Variants in SLC9A9 observed in about 807,000 individuals in gnomAD.
SLC9A9 encodes the protein solute carrier family 9 member A9, also known as sodium/hydrogen exchanger 9.
Under a neutral mutation model 77.8 loss-of-function variants are expected in SLC9A9, and 62 were observed. The ratio of observed to expected loss-of-function variants is 0.80; its 90% CI spans 0.65 to 0.98. SLC9A9 has a LOEUF of 0.98. SLC9A9 is among the 50% of genes least tolerant of loss of function. SLC9A9 has a pLI of 0.00. For missense variants in SLC9A9, 775 were observed against 774.9 expected, an observed-to-expected ratio of 1.00 and a Z score of 0.00; for synonymous variants, 320 against 283.5, an observed-to-expected ratio of 1.13 and a Z score of -1.29.
chr3:143,694,446 A>G (rs1347134263), intron 4 of SLC9A9, among the ~76,000 whole-genome samples: 1 of 152,158 alleles, frequency 6.6e-6, no homozygotes, highest in Non-Finnish European at 1.5e-5. Context: ...GGTAATACAT[A>G]TTTGGTGTCT....
At chr3:143,267,082 G>A (rs75407673) in intron 15 of SLC9A9, among the ~76,000 whole-genome samples, 153 bp from the exon 16 acceptor site, 2,348 of 152,022 alleles carry the variant, frequency 0.015, 24 homozygotes, top group Middle Eastern at 0.024. Context: ...TGCAGGCATG[G>A]TACAGCCTTT....
In SLC9A9 at chr3:143,791,088, T is replaced by A. The variant is rs142293619; in HGVS notation, c.533+3913A>T. Among the ~76,000 whole-genome samples the A allele has an allele frequency of 7.2e-5, 11 of 152,288 alleles. No individual in the cohort carries two copies. The East Asian group carries it at 2.1e-3, about 29-fold the overall frequency. On this transcript the variant is annotated intron_variant, in intron 4 of 15. Transcript: ENST00000316549. ...AGTTCCCCAAGATGGAGGACATGAA[T>A]ACAGAAATATTTCAAACACATGGAC...
rs78351754 is a variant in SLC9A9 at position 143,502,140 on chromosome 3, G to T, written c.1090-6692C>A. Among the ~76,000 whole-genome samples the T allele has an allele frequency of 8.6e-5, 13 of 151,004 alleles. No homozygotes were observed. The East Asian group carries it at 2.3e-3, about 27-fold the overall frequency. ...ACTCAGGGTCAGTAAAAAATAACTT[G>T]ACTCAACTTTTTATTTATCCGGTAC... On this transcript the variant is annotated intron_variant, in intron 9 of 15. Coordinates refer to ENST00000316549, the MANE Select transcript of SLC9A9 (RefSeq NM_173653.4).
At chr3:143,818,265 T>G (rs11710427) in intron 2 of SLC9A9, among the ~76,000 whole-genome samples, 40,022 of 151,878 alleles carry the variant, frequency 0.26, 5,268 homozygotes, top group South Asian at 0.36. Flanking sequence ...AGCTGAAAAA[T>G]GGAAGATAAG....
In SLC9A9 at chr3:143,805,968, C is replaced by T. The variant is rs1056579730; in HGVS notation, c.379-9065G>A. Among the ~76,000 whole-genome samples the T allele has an allele frequency of 2.6e-5, 4 of 152,142 alleles. No homozygotes were observed. In the East Asian group the frequency reaches 5.8e-4, roughly 22 times the overall value. On this transcript the variant is annotated intron_variant, in intron 2 of 15. Transcript: ENST00000316549. ...TTCTTGAATCCAATATCTATCTGCT[C>T]TTTGCTGGGTAATCTGAAAATAAAA... is the stretch of plus-strand genomic sequence containing the variant.
intron 4 of SLC9A9, among the ~76,000 whole-genome samples, chr3:143,698,891 C>A (rs1190771842): frequency 6.6e-6 from 1 of 152,198 alleles, no homozygotes; most frequent in Non-Finnish European, 1.5e-5. Flanking sequence ...CTGTGTACAG[C>A]TTGCTCTGCA....
chr3:143,414,880 G>A (rs556461733), intron 12 of SLC9A9, among the ~76,000 whole-genome samples: 1 of 152,352 alleles, frequency 6.6e-6, no homozygotes, highest in South Asian at 2.1e-4. Flanking sequence ...TAGGCTGAGA[G>A]CTAGGCCTCT....
At chr3:143,298,106 A>C (rs1191637178) in intron 14 of SLC9A9, among the ~76,000 whole-genome samples, 1 of 152,160 alleles carries the variant, frequency 6.6e-6, no homozygotes, top group East Asian at 1.9e-4. Flanking sequence ...CTAAGACAAG[A>C]TTTTTACTTT....
intron 4 of SLC9A9, among the ~76,000 whole-genome samples, chr3:143,700,004 T>C (rs546520121): frequency 6.6e-6 from 1 of 151,922 alleles, no homozygotes; most frequent in East Asian, 2.0e-4. Flanking sequence ...ACAGCCACAG[T>C]AGGATAGGGC....
chr3:143,688,256 T>A lies in SLC9A9; in HGVS notation c.649+4936A>T, dbSNP rs180869680. 9.3e-5 allele frequency among the ~76,000 whole-genome samples: 14 copies of A among 151,340 alleles called. 1 individual carries two copies. The East Asian group carries it at 2.5e-3, about 27-fold the overall frequency. Reference sequence around the variant, plus strand: ...ATGAGCCATTGTGCCCAGTCTGGATTTTTTTTTTCCATTTTAATTGGTTTT... The same window carrying A: ...ATGAGCCATTGTGCCCAGTCTGGATATTTTTTTTCCATTTTAATTGGTTTT... On this transcript the variant is annotated intron_variant, in intron 5 of 15. Coordinates refer to ENST00000316549, the MANE Select transcript of SLC9A9 (RefSeq NM_173653.4).
chr3:143,393,882 C>T (rs1302175332), intron 12 of SLC9A9, among the ~76,000 whole-genome samples: 1 of 151,914 alleles, frequency 6.6e-6, no homozygotes, highest in Admixed American at 6.5e-5. Context: ...ACACATACAC[C>T]CTCCCAAGAC....
At chr3:143,778,827 T>TAG (rs1370254875) in intron 4 of SLC9A9, among the ~76,000 whole-genome samples, 1 of 152,172 alleles carries the variant, frequency 6.6e-6, no homozygotes, top group Non-Finnish European at 1.5e-5. Flanking sequence ...AAGAAAAGAT[T>TAG]AGAGACCCAG....
chr3:143,735,880 C>A (rs1034700318), intron 4 of SLC9A9, among the ~76,000 whole-genome samples: 16 of 152,084 alleles, frequency 1.1e-4, no homozygotes, highest in African/African-American at 3.9e-4. Flanking sequence ...CCTCTCTAAG[C>A]GTTAATTTTT....
intron 6 of SLC9A9, among the ~76,000 whole-genome samples, chr3:143,623,140 C>G (rs576325815): frequency 2.6e-5 from 4 of 152,156 alleles, no homozygotes; most frequent in Non-Finnish European, 5.9e-5. Flanking sequence ...TACAAAGAGA[C>G]TTAGACTCCC....
chr3:143,591,742 C>G (rs1327180811), intron 6 of SLC9A9, among the ~76,000 whole-genome samples: 1 of 151,640 alleles, frequency 6.6e-6, no homozygotes, highest in East Asian at 1.9e-4. Flanking sequence ...CAATATATTG[C>G]TTGGTGCCAG....
intron 11 of SLC9A9, among the ~76,000 whole-genome samples, chr3:143,472,165 GAC>G (rs2035388521): frequency 1.3e-5 from 2 of 152,276 alleles, no homozygotes; most frequent in South Asian, 2.1e-4. Context: ...CTTTATCCCA[GAC>G]ACAGTACAAG....
At chr3:143,378,807 G>T (rs1452105677) in intron 13 of SLC9A9, among the ~76,000 whole-genome samples, 1 of 152,168 alleles carries the variant, frequency 6.6e-6, no homozygotes, top group Non-Finnish European at 1.5e-5. Flanking sequence ...CATGAAGTAT[G>T]CATCCAGAGT....
intron 4 of SLC9A9, among the ~76,000 whole-genome samples, chr3:143,751,449 G>A (rs1032838145): frequency 1.3e-5 from 2 of 152,162 alleles, no homozygotes; most frequent in African/African-American, 4.8e-5. Context: ...AGGGCATGCT[G>A]CTTTCCAGAG....
chr3:143,544,974 G>A (rs1210715374), intron 9 of SLC9A9, among the ~76,000 whole-genome samples: 1 of 152,146 alleles, frequency 6.6e-6, no homozygotes, highest in African/African-American at 2.4e-5. Context: ...CCAGATGGGT[G>A]TAGTAGGTGT....
Sources: gnomAD v4.1 joint callset for allele counts (sites outside exome capture counted in the v4.1 genomes callset) on GRCh38, gnomAD v4.1.1 for gene constraint, MANE v1.5 for transcripts, NCBI Gene and HGNC (gene_info 2026-07-23, HGNC 2026-07-21) for gene names.